The following SNTG1 variants were observed in gnomAD, a reference collection of about 807,000 sequenced individuals.
SNTG1 encodes the protein gamma-1-syntrophin.
Under a neutral mutation model 74.7 loss-of-function variants are expected in SNTG1, and 39 were observed. The observed-to-expected ratio is 0.52, with a 90% CI of 0.40 to 0.68. SNTG1 has a LOEUF of 0.68. SNTG1 is among the 30% of genes least tolerant of loss of function. SNTG1 has a pLI of 0.00. For missense variants in SNTG1, 685 were observed against 609.5 expected, an observed-to-expected ratio of 1.12 and a Z score of -1.30; for synonymous variants, 254 against 217.1, an observed-to-expected ratio of 1.17 and a Z score of -1.49.
chr8:50,132,594 T>G (rs970215831), intron 1 of SNTG1, among the ~76,000 whole-genome samples: 5 of 152,236 alleles, frequency 3.3e-5, no homozygotes, highest in African/African-American at 9.6e-5. Flanking sequence ...GGACTACTAA[T>G]AATTCTTTGT....
intron 13 of SNTG1, among the ~76,000 whole-genome samples, chr8:50,609,276 T>TA (rs2094834011): frequency 6.6e-6 from 1 of 152,046 alleles, no homozygotes; most frequent in African/African-American, 2.4e-5. Context: ...TGGTAAAGTA[T>TA]TTTGTTGTTG....
At chr8:50,761,196 TG>T (rs1291589819) in intron 18 of SNTG1, among the ~76,000 whole-genome samples, 1 of 152,004 alleles carries the variant, frequency 6.6e-6, no homozygotes, top group East Asian at 1.9e-4. Flanking sequence ...GCTTTATCCC[TG>T]GGATCAAGGC....
intron 2 of SNTG1, among the ~76,000 whole-genome samples, chr8:50,325,054 CA>C (rs1239385074): frequency 2.1e-5 from 1 of 48,550 alleles, no homozygotes; most frequent in Non-Finnish European, 7.0e-5. Flanking sequence ...ATAAATAACC[CA>C]GAAATAGACC....
Position 50,502,867 on chromosome 8 carries a change from T to G in SNTG1, c.453T>G (p.Asn151Lys). 1 of 1,612,504 alleles carries G rather than the reference T, an allele frequency of 6.2e-7. No homozygotes were observed. Among genetic ancestry groups the G allele is most frequent in the Non-Finnish European group, 8.5e-7 (1 of 1,178,828 alleles). ...RAPAFLKLPL[N>K]EDCACAPSDQ... ...CTGCTTTCCTCAAACTCCCATTGAA[T>G]GAAGATTGTGCATGTAAGCATTTAT... The change falls in exon 9 of 19, where the codon AAT becomes AAG. Residue 151 changes from asparagine to lysine, a missense_variant. Physicochemically the swap from Asn to Lys is moderately conservative, Grantham distance 94. Transcript: ENST00000642720.
intron 8 of SNTG1, among the ~76,000 whole-genome samples, chr8:50,501,283 C>T (rs1312519341): frequency 6.6e-6 from 1 of 152,022 alleles, no homozygotes; most frequent in Non-Finnish European, 1.5e-5. Flanking sequence ...GGCCTCTGTG[C>T]TGTCCAGTGC....
At chr8:50,595,227 C>T (rs117950482) in intron 13 of SNTG1, among the ~76,000 whole-genome samples, 15 of 151,804 alleles carry the variant, frequency 9.9e-5, no homozygotes, top group South Asian at 8.3e-4. Context: ...AGATAATGAG[C>T]CTGTTTTTGT....
chr8:50,254,361 G>A (rs1586854053), intron 2 of SNTG1, among the ~76,000 whole-genome samples: 1 of 152,186 alleles, frequency 6.6e-6, no homozygotes, highest in East Asian at 1.9e-4. Flanking sequence ...CTTCATCCGT[G>A]TACCTTTTTT....
At chr8:50,765,801 G>T (rs2131760757) in intron 18 of SNTG1, among the ~76,000 whole-genome samples, 1 of 152,034 alleles carries the variant, frequency 6.6e-6, no homozygotes, top group Non-Finnish European at 1.5e-5. Context: ...AGTCTGGAGA[G>T]AGAACTTTTA....
intron 13 of SNTG1, among the ~76,000 whole-genome samples, chr8:50,629,132 C>A (rs968184438): frequency 7.2e-5 from 11 of 152,092 alleles, no homozygotes; most frequent in African/African-American, 2.2e-4. Context: ...AAGATAATTT[C>A]TGGGGATCTA....
intron 1 of SNTG1, among the ~76,000 whole-genome samples, chr8:49,926,741 T>A (rs1807063305): frequency 6.6e-6 from 1 of 152,126 alleles, no homozygotes; most frequent in Admixed American, 6.5e-5. Context: ...ATTGATAAGC[T>A]AAATTCATTA....
chr8:50,340,968 A>G (rs1252773219), intron 2 of SNTG1, among the ~76,000 whole-genome samples: 1 of 151,966 alleles, frequency 6.6e-6, no homozygotes, highest in Non-Finnish European at 1.5e-5. Context: ...TTTACTTTTC[A>G]ATTGAGACTT....
intron 18 of SNTG1, among the ~76,000 whole-genome samples, chr8:50,769,360 T>C (rs1484685235): frequency 6.6e-6 from 1 of 151,970 alleles, no homozygotes; most frequent in Non-Finnish European, 1.5e-5. Flanking sequence ...TTTTAGTAAG[T>C]GACCCAAGTA....
At chr8:50,459,729 C>T (rs755864936) in intron 8 of SNTG1, among the ~76,000 whole-genome samples, 4 of 152,058 alleles carry the variant, frequency 2.6e-5, no homozygotes, top group African/African-American at 4.8e-5. Flanking sequence ...CATGAGTACC[C>T]GATGTTTAGC....
chr8:50,470,940 A>C (rs1247165744), intron 8 of SNTG1, among the ~76,000 whole-genome samples: 1 of 152,182 alleles, frequency 6.6e-6, no homozygotes, highest in Non-Finnish European at 1.5e-5. Context: ...TCCATTTTAC[A>C]GAGTGCTGAT....
chr8:50,563,092 C>T (rs1483244117), intron 12 of SNTG1, among the ~76,000 whole-genome samples: 4 of 152,134 alleles, frequency 2.6e-5, no homozygotes, highest in African/African-American at 9.7e-5. Flanking sequence ...GAAGAGCAGA[C>T]AAGACTGTTG....
At chr8:49,961,728 C>G (rs1340463193) in intron 1 of SNTG1, among the ~76,000 whole-genome samples, 1 of 152,184 alleles carries the variant, frequency 6.6e-6, no homozygotes, top group African/African-American at 2.4e-5. Flanking sequence ...GCGGAGGCAG[C>G]TATTTGTTGA....
At chr8:50,208,916 C>T (rs2084376305) in intron 2 of SNTG1, among the ~76,000 whole-genome samples, 1 of 152,154 alleles carries the variant, frequency 6.6e-6, no homozygotes, top group Admixed American at 6.6e-5. Context: ...GGGTTCAGCC[C>T]ACGGAGCAGG....
In SNTG1 at chr8:50,088,482, A is replaced by G. The variant is rs1823132385; in HGVS notation, c.-102-84079A>G. 2.3e-5 allele frequency among the ~76,000 whole-genome samples: 3 copies of G among 130,736 alleles called. No individual in the cohort carries two copies. In the South Asian group the frequency reaches 8.1e-4, roughly 35 times the overall value. 85.8% of individuals were successfully genotyped at this position (130,736 alleles called of 152,430 possible). On this transcript the variant is annotated intron_variant, in intron 1 of 18. Coordinates refer to ENST00000642720, the MANE Select transcript of SNTG1 (RefSeq NM_018967.5). ...GTCAAATTGTCCCTGTTTGCAGACG[A>G]CATGATTGTATATCTAGAAAACCCC...
At chr8:50,321,637 T>C (rs2090534352) in intron 2 of SNTG1, among the ~76,000 whole-genome samples, 1 of 152,222 alleles carries the variant, frequency 6.6e-6, no homozygotes, top group South Asian at 2.1e-4. Context: ...TGAAGCTGAC[T>C]TTCTCTGGTA....
Sources: gnomAD v4.1 joint callset for allele counts (sites outside exome capture counted in the v4.1 genomes callset) on GRCh38, gnomAD v4.1.1 for gene constraint, MANE v1.5 for transcripts, NCBI Gene and HGNC (gene_info 2026-07-23, HGNC 2026-07-21) for gene names.